ADAMTS13: variants seen among roughly 807,000 people sequenced by gnomAD.
ADAMTS13 encodes A disintegrin and metalloproteinase with thrombospondin motifs 13.
Under a neutral mutation model 155.1 loss-of-function variants are expected in ADAMTS13, and 110 were observed. That is an observed-to-expected ratio of 0.71 (90% confidence interval 0.61 to 0.83). ADAMTS13 has a LOEUF of 0.83. ADAMTS13 is among the 40% of genes least tolerant of loss of function. The pLI is 0.00. For synonymous variants in ADAMTS13, 758 were observed against 756.4 expected, an observed-to-expected ratio of 1.00 and a Z score of -0.03; for missense variants, 1,707 against 1,891.7, an observed-to-expected ratio of 0.90 and a Z score of 1.81.
At chr9:133,458,885 G>T in intron 28 of ADAMTS13, 89 bp from the exon 29 acceptor site, 1 of 1,197,144 alleles carries the variant, frequency 8.4e-7, no homozygotes, top group Non-Finnish European at 1.2e-6. Flanking sequence ...AATGTGATCC[G>T]GAATCTGTGA....
At chr9:133,414,444 A>C in exon 1 of ADAMTS13, 2 of 696,456 alleles carry the variant, frequency 2.9e-6, no homozygotes, top group East Asian at 5.4e-5. Context: ...ACTGGCACCC[A>C]CTAAATGCTG....
At chr9:133,453,653 C>T (rs1375797850) in intron 23 of ADAMTS13, among the ~76,000 whole-genome samples, 1 of 152,152 alleles carries the variant, frequency 6.6e-6, no homozygotes, top group East Asian at 1.9e-4. Flanking sequence ...CAGGGCGAGA[C>T]CGTGTCTCAA....
At chr9:133,449,291 C>T (rs1034156124) in intron 22 of ADAMTS13, among the ~76,000 whole-genome samples, 2 of 152,040 alleles carry the variant, frequency 1.3e-5, no homozygotes, top group Admixed American at 6.5e-5. Flanking sequence ...GGGGACACAG[C>T]AGAGAACAAG....
chr9:133,443,306 C>T (rs988711909), intron 18 of ADAMTS13, 70 bp from the exon 19 acceptor site: 8 of 1,529,532 alleles, frequency 5.2e-6, no homozygotes, highest in Non-Finnish European at 7.0e-6. Context: ...TACATCAGCA[C>T]CTGCCACCCC....
chr9:133,445,840 C>G lies in ADAMTS13; in HGVS notation c.2731+21C>G, dbSNP rs782476779. 6.4e-7 allele frequency: 1 copy of G among 1,557,640 alleles called. No individual in the cohort carries two copies. Among genetic ancestry groups the G allele is most frequent in the Non-Finnish European group, 8.7e-7 (1 of 1,146,686 alleles). On this transcript the variant is annotated intron_variant, in intron 21 of 28. Transcript: ENST00000355699. This position sits in a 1 kb window ranked among gnomAD's most constrained non-coding sequence, Gnocchi z 5.0. The stretch of plus-strand genomic sequence containing the variant: ...GCGAGGTGAGGGCCCCCGGGATGCT[C>G]CTGGGGACCAGCACTCATGGTAACT...
chr9:133,454,899 C>T (rs781968569), intron 24 of ADAMTS13, among the ~76,000 whole-genome samples: 11 of 152,102 alleles, frequency 7.2e-5, no homozygotes, highest in South Asian at 2.1e-4. Flanking sequence ...AGCTGTGCCA[C>T]GCACCTGGCA....
chr9:133,432,871 C>A (rs1470245192), intron 9 of ADAMTS13, among the ~76,000 whole-genome samples, 179 bp downstream of exon 9: 1 of 152,106 alleles, frequency 6.6e-6, no homozygotes, highest in South Asian at 2.1e-4. Context: ...AGCATTTGCT[C>A]CCATGCAGAA....
In ADAMTS13 at chr9:133,454,529, G is replaced by A. The variant is rs200349242; in HGVS notation, c.3159G>A (p.Ala1053=). 1,666 of 1,610,526 alleles carry A rather than the reference G, an allele frequency of 1.0e-3. 28 individuals carry two copies. The South Asian group carries it at 0.017, about 16-fold the overall frequency. Residue 1053 remains alanine (A), a synonymous_variant, in exon 24 of 29, where the codon GCG becomes GCA. Coordinates refer to ENST00000355699, the MANE Select transcript of ADAMTS13 (RefSeq NM_139027.6). ...DQGQDVEVDE[A]ACAALVRPEA... is the part of the protein sequence containing the mutation. ...GCCAGGACGTGGAGGTGGACGAGGC[G>A]GCCTGTGCGGCGCTGGTGCGGCCCG...
chr9:133,433,610 T>A, intron 10 of ADAMTS13, 31 bp from the exon 11 acceptor site: 1 of 1,613,934 alleles, frequency 6.2e-7, no homozygotes, highest in South Asian at 1.1e-5. Context: ...CACCCTGCTC[T>A]CTCACCCTCC....
chr9:133,425,616 G>C lies in ADAMTS13; in HGVS notation c.414+4G>C, dbSNP rs904380247. The C allele has an allele frequency of 1.9e-6, 3 of 1,613,102 alleles. No homozygotes were observed. The highest frequency in any genetic ancestry group is 2.7e-5 in the African/African-American group (2 of 74,922). On this transcript the variant is annotated splice_donor_region_variant and intron_variant, in intron 4 of 28. Coordinates refer to ENST00000355699, the MANE Select transcript of ADAMTS13 (RefSeq NM_139027.6). This position sits in a 1 kb window ranked among gnomAD's most constrained non-coding sequence, Gnocchi z 4.6. Reference sequence around the variant, plus strand: ...GGTCATTCTGACAGAGCCTGAGGTAGGCATGGAGCTGGAACTCAGCACACC... The same window carrying C: ...GGTCATTCTGACAGAGCCTGAGGTACGCATGGAGCTGGAACTCAGCACACC...
Position 133,437,243 on chromosome 9 carries a change from G to GT in ADAMTS13, c.1435+289dup, listed in dbSNP as rs150381091. Among the ~76,000 whole-genome samples, 17 of 152,302 alleles carry GT rather than the reference G, an allele frequency of 1.1e-4. No individual in the cohort carries two copies. In the South Asian group the frequency reaches 2.1e-3, roughly 19 times the overall value. On this transcript the variant is annotated intron_variant, in intron 12 of 28. Coordinates refer to ENST00000355699, the MANE Select transcript of ADAMTS13 (RefSeq NM_139027.6). The stretch of plus-strand genomic sequence containing the variant: ...CAGGGAGATAATCGGAAAATGCCAA[G>GT]TGTGTTCCTTGGTTCATGATACTTT...
chr9:133,435,558 C>T (rs1202709204), intron 11 of ADAMTS13, among the ~76,000 whole-genome samples: 1 of 144,498 alleles, frequency 6.9e-6, no homozygotes, highest in Non-Finnish European at 1.5e-5. Context: ...GAGATGGAGT[C>T]TCGCTCTGTC....
intron 6 of ADAMTS13, 67 bp from the exon 7 acceptor site, chr9:133,428,567 G>GGGGCCCCC: frequency 1.0e-5 from 1 of 96,950 alleles, no homozygotes; most frequent in Non-Finnish European, 2.0e-5. Context: ...GCCGACCCCC[G>GGGGCCCCC]TCCCGCCCCC....
At chr9:133,442,919 T>C (rs587747728) in intron 18 of ADAMTS13, among the ~76,000 whole-genome samples, 176 bp downstream of exon 18, 12 of 152,334 alleles carry the variant, frequency 7.9e-5, no homozygotes, top group Non-Finnish European at 1.6e-4. Flanking sequence ...AGTGCCCCCA[T>C]TCTGCAGGTG....
At chr9:133,434,668 C>A (rs997289727) in intron 11 of ADAMTS13, among the ~76,000 whole-genome samples, 3 of 152,208 alleles carry the variant, frequency 2.0e-5, no homozygotes, top group Admixed American at 1.3e-4. Flanking sequence ...TTTAAAGTGG[C>A]AACTCAGTGG....
chr9:133,450,709 G>T (rs587652474), intron 23 of ADAMTS13, among the ~76,000 whole-genome samples: 1 of 152,054 alleles, frequency 6.6e-6, no homozygotes, highest in African/African-American at 2.4e-5. Context: ...AGATGGCGCC[G>T]CTGGCACTCC....
rs984738220 is a variant in ADAMTS13, at chr9:133,442,486, T to C, written c.2056T>C (p.Trp686Arg). 2 of 1,613,580 alleles carry C rather than the reference T, an allele frequency of 1.2e-6. No individual in the cohort carries two copies. The highest frequency in any genetic ancestry group is 1.3e-5 in the African/African-American group (1 of 74,928). Residue 686 changes from tryptophan to arginine, a missense_variant, in exon 17 of 29, where the codon TGG becomes CGG. Around this residue, in one of 3 missense-constraint regions of ADAMTS13, gnomAD observed 961 missense variants for 1,107.9 expected, o/e 0.87. Coordinates refer to ENST00000355699, the MANE Select transcript of ADAMTS13 (RefSeq NM_139027.6). ...CTTCCAGCCTAAGCCACGGCAGGCC[T>C]GGGTGTGGGCCGCTGTGCGTGGGCC... ...TYFQPKPRQA[W>R]VWAAVRGPCS...
chr9:133,454,655 TG>T, intron 24 of ADAMTS13, 36 bp downstream of exon 24: 1 of 1,561,312 alleles, frequency 6.4e-7, no homozygotes, highest in Non-Finnish European at 8.6e-7. Context: ...CCTATGGGGC[TG>T]GGGTGGGCAT....
At chr9:133,446,190 T>G (rs1383638375) in intron 21 of ADAMTS13, among the ~76,000 whole-genome samples, 2 of 152,158 alleles carry the variant, frequency 1.3e-5, no homozygotes, top group African/African-American at 4.8e-5. Context: ...ACACAGATAT[T>G]ATAAAATTTA....
Sources: gnomAD v4.1 joint callset for allele counts (sites outside exome capture counted in the v4.1 genomes callset) on GRCh38, gnomAD v4.1.1 for gene constraint, gnomAD v4.1.1 regional missense constraint, Gnocchi (gnomAD v3.1) non-coding constraint, MANE v1.5 for transcripts, NCBI Gene and HGNC (gene_info 2026-07-23, HGNC 2026-07-21) for gene names.